NF1: variants seen among roughly 807,000 people sequenced by gnomAD.
The protein encoded by NF1 is neurofibromin.
In NF1, 122 loss-of-function variants were observed where a neutral mutation model predicts 325.7. That is an observed-to-expected ratio of 0.37 (90% CI 0.32 to 0.44). The LOEUF (loss-of-function observed/expected upper bound fraction) is 0.44. Among genes scored for constraint, NF1 ranks in the 20% least tolerant of loss-of-function variants. The pLI, the probability that NF1 is intolerant of heterozygous loss-of-function variation, is 1.00. For synonymous variants in NF1, 1,091 were observed against 1,186.0 expected (o/e 0.92, Z 1.65); for missense variants, 2,140 against 3,415.4 (o/e 0.63, Z 9.31).
chr17:31,112,815 G>A (rs951971000), intron 1 of NF1, among the ~76,000 whole-genome samples: 17 of 151,960 alleles, frequency 1.1e-4, no homozygotes, highest in African/African-American at 3.9e-4. Flanking sequence ...GTATATCTAA[G>A]GTATCTTTTT....
At chr17:31,146,506 A>T (rs1354231313) in intron 1 of NF1, among the ~76,000 whole-genome samples, 1 of 152,176 alleles carries the variant, frequency 6.6e-6, no homozygotes, top group Non-Finnish European at 1.5e-5. Flanking sequence ...ATGGGCGATA[A>T]TCAAGTGCTG....
intron 31 of NF1, among the ~76,000 whole-genome samples, chr17:31,255,710 A>G (rs2067572060): frequency 6.6e-6 from 1 of 152,198 alleles, no homozygotes; most frequent in South Asian, 2.1e-4. Context: ...GAGGCTGAGT[A>G]CCATTAAATC....
chr17:31,239,305 C>A (rs1597726236), intron 29 of NF1, among the ~76,000 whole-genome samples: 1 of 152,212 alleles, frequency 6.6e-6, no homozygotes, highest in South Asian at 2.1e-4. Flanking sequence ...GTGGGCTTAT[C>A]AGTAGTCTGG....
chr17:31,225,800 T>C (rs2067002876), intron 17 of NF1, among the ~76,000 whole-genome samples: 2 of 152,258 alleles, frequency 1.3e-5, no homozygotes, highest in Middle Eastern at 3.2e-3. Flanking sequence ...TAATTTTTAA[T>C]GCAACCTTGT....
chr17:31,222,332 A>C, intron 15 of NF1: 7 of 1,039,442 alleles, frequency 6.7e-6, no homozygotes, highest in Non-Finnish European at 8.1e-6. Flanking sequence ...TGTAATACCA[A>C]TGCTTTCGAT....
intron 1 of NF1, among the ~76,000 whole-genome samples, chr17:31,143,578 A>G (rs1916382084): frequency 1.3e-5 from 2 of 151,884 alleles, no homozygotes. Context: ...GGCAGCACCC[A>G]TATATTTTAA....
rs561821456 is a variant in NF1, at chr17:31,345,399, C to T, written c.7189+2264C>T. The T allele has an allele frequency of 1.4e-3, 1,763 of 1,228,422 alleles. 1 individual carries two copies. The highest frequency in any genetic ancestry group is 5.1e-3 in the Middle Eastern group (18 of 3,532). 76.1% of individuals were successfully genotyped at this position (1,228,422 alleles called of 1,614,324 possible). On this transcript the variant is annotated intron_variant, in intron 48 of 57. Transcript: ENST00000358273. ...TCCTTCCCCCTGTAGGGGCGGCCGGCGAGTCCCAGTGAGAGCGGAGGGTGC... is the reference window on the plus strand; with the variant it reads ...TCCTTCCCCCTGTAGGGGCGGCCGGTGAGTCCCAGTGAGAGCGGAGGGTGC...
intron 36 of NF1, chr17:31,304,511 G>C (rs926257220): frequency 6.2e-7 from 1 of 1,614,158 alleles, no homozygotes; most frequent in Non-Finnish European, 8.5e-7. Flanking sequence ...GAATCATTTG[G>C]AAGAGGAGAT....
At chr17:31,120,397 T>C (rs2143380153) in intron 1 of NF1, among the ~76,000 whole-genome samples, 1 of 152,276 alleles carries the variant, frequency 6.6e-6, no homozygotes, top group East Asian at 1.9e-4. Flanking sequence ...CACTCATGAT[T>C]TGGCTGTTTG....
intron 1 of NF1, among the ~76,000 whole-genome samples, chr17:31,155,193 G>T (rs1231928140): frequency 1.3e-5 from 2 of 152,130 alleles, no homozygotes; most frequent in Non-Finnish European, 2.9e-5. Flanking sequence ...AGGTTTCTCT[G>T]TTAGCATTAG....
At chr17:31,224,807 A>C (rs1480729332) in intron 16 of NF1, among the ~76,000 whole-genome samples, 1 of 152,176 alleles carries the variant, frequency 6.6e-6, no homozygotes, top group Non-Finnish European at 1.5e-5. Context: ...CATACAGTAG[A>C]TTTATATTGT....
At chr17:31,243,319 A>G (rs1371223256) in intron 29 of NF1, among the ~76,000 whole-genome samples, 2 of 151,774 alleles carry the variant, frequency 1.3e-5, no homozygotes, top group Admixed American at 1.3e-4. Flanking sequence ...CTGCCTGACT[A>G]CCACCTATGT....
At chr17:31,247,164 C>A (rs1205436910) in intron 29 of NF1, among the ~76,000 whole-genome samples, 1 of 142,542 alleles carries the variant, frequency 7.0e-6, no homozygotes, top group Non-Finnish European at 1.5e-5. Flanking sequence ...CACTGCACTC[C>A]AGCCCGGCAA....
rs753456617 is a variant in NF1 at position 31,182,412 on chromosome 17, T to G, written c.731-96T>G. 6 of 1,159,154 alleles carry G rather than the reference T, an allele frequency of 5.2e-6. No homozygotes were observed. The South Asian group carries it at 8.1e-5, about 16-fold the overall frequency. The allele number at this position is 1,159,154 out of a possible 1,614,324, so 71.8% of individuals were successfully genotyped here. On this transcript the variant is annotated intron_variant, in intron 7 of 57. Coordinates refer to ENST00000358273, the MANE Select transcript of NF1 (RefSeq NM_001042492.3). ...AAGTTCCATGTTTATCTTTTAAAAA[T>G]GTTGCCCTTGGGTTTTTACATAGTG...
intron 1 of NF1, among the ~76,000 whole-genome samples, chr17:31,128,828 A>C (rs556552024): frequency 2.0e-5 from 3 of 152,086 alleles, no homozygotes; most frequent in Non-Finnish European, 2.9e-5. Flanking sequence ...AGCCTGAGGC[A>C]GGAGAATGGC....
chr17:31,292,843 GTT>G (rs1047508514), intron 36 of NF1, among the ~76,000 whole-genome samples: 1 of 152,116 alleles, frequency 6.6e-6, no homozygotes, highest in Non-Finnish European at 1.5e-5. Flanking sequence ...ACAGCATTGA[GTT>G]TTTGGTATCC....
chr17:31,177,241 T>C (rs2066040722), intron 5 of NF1, among the ~76,000 whole-genome samples: 1 of 152,158 alleles, frequency 6.6e-6, no homozygotes, highest in Non-Finnish European at 1.5e-5. Context: ...CAATCTTTGT[T>C]GTTCCGCAGC....
chr17:31,140,239 A>G (rs1249508483), intron 1 of NF1, among the ~76,000 whole-genome samples: 1 of 152,188 alleles, frequency 6.6e-6, no homozygotes, highest in African/African-American at 2.4e-5. Flanking sequence ...TGTGGGGTTC[A>G]GGATGGCATC....
At chr17:31,254,665 T>C (rs556322286) in intron 31 of NF1, among the ~76,000 whole-genome samples, 2 of 152,196 alleles carry the variant, frequency 1.3e-5, no homozygotes, top group African/African-American at 4.8e-5. Flanking sequence ...CTAGAGCATG[T>C]TTTCTAGCCT....
Sources: gnomAD v4.1 joint callset for allele counts (sites outside exome capture counted in the v4.1 genomes callset) on GRCh38, gnomAD v4.1.1 for gene constraint, MANE v1.5 for transcripts, NCBI Gene and HGNC (gene_info 2026-07-23, HGNC 2026-07-21) for gene names.